HTD2: variants seen among roughly 807,000 people sequenced by gnomAD.
HTD2 encodes the protein hydroxyacyl-thioester dehydratase type 2.
HTD2 carries 1 observed loss-of-function variant against 3.1 expected under a neutral mutation model. The observed-to-expected ratio is 0.32, with a 90% CI of 0.11 to 1.52. The LOEUF is 1.52. HTD2 is among the 40% of genes most tolerant of loss of function. HTD2 has a pLI of 0.39. For missense variants in HTD2, 150 were observed against 79.6 expected, an observed-to-expected ratio of 1.88 and a Z score of -3.36; for synonymous variants, 50 against 28.9, an observed-to-expected ratio of 1.73 and a Z score of -2.34.
At position 58,318,706 on chromosome 3, in the gene HTD2, ACT is replaced by A. The variant is rs1162473738; in HGVS notation, c.*589_*590del. 2 of 148,838 alleles carry A rather than the reference ACT, an allele frequency of 1.3e-5. No homozygotes were observed. Among genetic ancestry groups the A allele is most frequent in the African/African-American group, 2.5e-5 (1 of 40,274 alleles). 9.2% of individuals were successfully genotyped at this position (148,838 alleles called of 1,614,324 possible). On this transcript the variant is annotated 3_prime_UTR_variant, in exon 5 of 5. Transcript: ENST00000461393. Reference sequence around the variant, plus strand: ...GAAGTATTGGGAAGGTTATTTAAAGACTCTACTTTTAAATCAGGCGTGGCAGC... The same window carrying A: ...GAAGTATTGGGAAGGTTATTTAAAGACTACTTTTAAATCAGGCGTGGCAGC...
chr3:58,316,193 T>C (rs1035724361), intron 2 of HTD2, among the ~76,000 whole-genome samples: 7 of 152,168 alleles, frequency 4.6e-5, no homozygotes, highest in Admixed American at 2.0e-4. Context: ...GTGACAAGAA[T>C]AAAGGGAATT....
rs751757663 is a variant in HTD2 at position 58,314,675 on chromosome 3, A to ATTTTTTTT, written c.-330-1822_-330-1815dup. 8.7e-3 allele frequency among the ~76,000 whole-genome samples: 786 copies of ATTTTTTTT among 90,590 alleles called. 17 individuals are homozygous for ATTTTTTTT. The highest frequency in any genetic ancestry group is 0.032 in the East Asian group (80 of 2,536). The allele number at this position is 90,590 out of a possible 152,430, so 59.4% of individuals were successfully genotyped here. On this transcript the variant is annotated intron_variant, in intron 2 of 4. Transcript: ENST00000461393. ...CCACTCTGGAACATAGTTTGGCAGT[A>ATTTTTTTT]TTTTTTTTTTTTTTTTTTTTTTTTT...
At chr3:58,312,754 A>C (rs1183262609) in intron 2 of HTD2, among the ~76,000 whole-genome samples, 4 of 152,072 alleles carry the variant, frequency 2.6e-5, no homozygotes, top group Non-Finnish European at 5.9e-5. Context: ...TACAGTCAGG[A>C]GTTTGAGACT....
chr3:58,314,069 C>T (rs2097485255), intron 2 of HTD2, among the ~76,000 whole-genome samples: 1 of 151,984 alleles, frequency 6.6e-6, no homozygotes, highest in Admixed American at 6.6e-5. Flanking sequence ...AATAATAACA[C>T]ATGGGGCGTG....
At chr3:58,307,022 A>G (rs1372682955) in intron 1 of HTD2, among the ~76,000 whole-genome samples, 1 of 152,222 alleles carries the variant, frequency 6.6e-6, no homozygotes, top group Non-Finnish European at 1.5e-5. Flanking sequence ...GGAAGGGGGC[A>G]AGGGTGTGAG....
At chr3:58,315,531 C>T (rs556041759) in intron 2 of HTD2, among the ~76,000 whole-genome samples, 1 of 152,252 alleles carries the variant, frequency 6.6e-6, no homozygotes, top group South Asian at 2.1e-4. Context: ...TAGGAGTAGA[C>T]ATACAATTGG....
chr3:58,310,477 T>C, intron 1 of HTD2, 30 bp from the exon 2 acceptor site: 1 of 1,584,602 alleles, frequency 6.3e-7, no homozygotes. Context: ...TGAAATTTAA[T>C]ATGACTTTTT....
chr3:58,316,126 T>G (rs2107508742), intron 2 of HTD2, among the ~76,000 whole-genome samples: 1 of 152,386 alleles, frequency 6.6e-6, no homozygotes, highest in South Asian at 2.1e-4. Context: ...AGACATGGCC[T>G]CTGCCACATG....
intron 1 of HTD2, 42 bp from the exon 2 acceptor site, chr3:58,310,465 A>C (rs1306118777): frequency 8.1e-6 from 13 of 1,595,652 alleles, no homozygotes; most frequent in Middle Eastern, 1.7e-4. Flanking sequence ...ATCTGAATAG[A>C]ATGAAATTTA....
intron 1 of HTD2, chr3:58,309,929 G>A (rs950412670): frequency 1.2e-5 from 2 of 172,264 alleles, no homozygotes; most frequent in African/African-American, 4.8e-5. Flanking sequence ...GCCGGGCCTG[G>A]TGGCTCACAC....
At chr3:58,315,246 A>C (rs2097487036) in intron 2 of HTD2, among the ~76,000 whole-genome samples, 1 of 152,170 alleles carries the variant, frequency 6.6e-6, no homozygotes, top group South Asian at 2.1e-4. Flanking sequence ...ATATGAATGA[A>C]TCTCCAGAGA....
chr3:58,315,919 G>T (rs1237039358), intron 2 of HTD2: 2 of 152,372 alleles, frequency 1.3e-5, no homozygotes, highest in African/African-American at 4.8e-5. Flanking sequence ...CAGGTGATCC[G>T]CCCTCCTTGG....
chr3:58,306,951 G>A (rs1413863550), intron 1 of HTD2, among the ~76,000 whole-genome samples: 3 of 152,230 alleles, frequency 2.0e-5, no homozygotes, highest in Non-Finnish European at 4.4e-5. Context: ...GCATGGGGGT[G>A]GGGTGCGGTG....
chr3:58,306,825 A>G (rs2097475566), intron 1 of HTD2, among the ~76,000 whole-genome samples, 174 bp downstream of exon 1: 1 of 152,080 alleles, frequency 6.6e-6, no homozygotes, highest in South Asian at 2.1e-4. Flanking sequence ...CAAGATAGCA[A>G]GATTCTTGGA....
In HTD2 at chr3:58,318,338, G is replaced by GT; in HGVS notation, c.*224dup. ...ATGCAGGATTTCATTATCTGCCTGG[G>GT]TTTTTTGTTTGTTTTTTGTTTTTTA... On this transcript the variant is annotated 3_prime_UTR_variant, in exon 5 of 5. Coordinates refer to ENST00000461393, the MANE Select transcript of HTD2 (RefSeq NM_001348712.2). 2.4e-6 allele frequency: 1 copy of GT among 424,714 alleles called. No individual in the cohort carries two copies. The highest frequency in any genetic ancestry group is 4.1e-6 in the Non-Finnish European group (1 of 241,360). The allele number at this position is 424,714 out of a possible 1,614,324, so 26.3% of individuals were successfully genotyped here. A position where few individuals can be genotyped will look rare whatever the true frequency, so the allele number is the denominator to read the frequency against.
At position 58,317,542 on chromosome 3, in the gene HTD2, A is replaced by C. The variant is rs747904190; in HGVS notation, c.-72A>C. On this transcript the variant is annotated 5_prime_UTR_variant, in exon 5 of 5. Coordinates refer to ENST00000461393, the MANE Select transcript of HTD2 (RefSeq NM_001348712.2). The stretch of plus-strand genomic sequence containing the variant: ...GAAACGTTCATCCACTCTCATATTT[A>C]TTTTTTGGTGCCTGCATGTTTGAAG... 1 of 1,304,750 alleles carries C rather than the reference A, an allele frequency of 7.7e-7. No individual in the cohort carries two copies. Among genetic ancestry groups the C allele is most frequent in the South Asian group, 1.2e-5 (1 of 83,168 alleles). 80.8% of individuals were successfully genotyped at this position (1,304,750 alleles called of 1,614,324 possible).
At position 58,318,873 on chromosome 3, in the gene HTD2, C is replaced by T. The variant is rs145107871; in HGVS notation, c.*753C>T. 6.6e-6 allele frequency: 1 copy of T among 152,132 alleles called. No individual in the cohort carries two copies. The highest frequency in any genetic ancestry group is 2.4e-5 in the African/African-American group (1 of 41,462). 9.4% of individuals were successfully genotyped at this position (152,132 alleles called of 1,614,324 possible). On this transcript the variant is annotated 3_prime_UTR_variant, in exon 5 of 5. Coordinates refer to ENST00000461393, the MANE Select transcript of HTD2 (RefSeq NM_001348712.2). ...AACTAACCGGGCATGGTGGCGGGCA[C>T]CTGTAATCCCAGCTACTTGGGAGGC...
chr3:58,317,368 G>T (rs1293398994), intron 4 of HTD2, 72 bp from the exon 5 acceptor site: 2 of 983,514 alleles, frequency 2.0e-6, no homozygotes, highest in Non-Finnish European at 3.1e-6. Context: ...GTAAAACTGG[G>T]CATGTTTCCC....
At chr3:58,315,161 T>G (rs2097486969) in intron 2 of HTD2, among the ~76,000 whole-genome samples, 1 of 152,074 alleles carries the variant, frequency 6.6e-6, no homozygotes, top group Admixed American at 6.6e-5. Context: ...TATCCTTCAA[T>G]GGGTGAATAA....
Sources: gnomAD v4.1 joint callset for allele counts (sites outside exome capture counted in the v4.1 genomes callset) on GRCh38, gnomAD v4.1.1 for gene constraint, MANE v1.5 for transcripts, NCBI Gene and HGNC (gene_info 2026-07-23, HGNC 2026-07-21) for gene names.